Variants in COPG1 observed in about 807,000 individuals in gnomAD.
COPG1 encodes coatomer subunit gamma-1.
A neutral mutation model predicts 102.8 loss-of-function variants in COPG1; 29 were observed. The ratio of observed to expected loss-of-function variants is 0.28; its 90% CI spans 0.21 to 0.38. The LOEUF (loss-of-function observed/expected upper bound fraction) is 0.38. COPG1 is among the 10% of genes least tolerant of loss of function. The pLI is 1.00. For missense variants in COPG1, 875 were observed against 1,132.7 expected (o/e 0.77, Z 3.27); for synonymous variants, 406 against 421.6 (o/e 0.96, Z 0.45).
chr3:129,261,607 C>T (rs1173185117), intron 12 of COPG1, among the ~76,000 whole-genome samples: 1 of 151,124 alleles, frequency 6.6e-6, no homozygotes, highest in African/African-American at 2.4e-5. Context: ...AAGTCCTATG[C>T]ACCCCTCCAT....
At chr3:129,252,728 G>A (rs373739692) in intron 4 of COPG1, 34 bp downstream of exon 4, 1 of 1,601,208 alleles carries the variant, frequency 6.2e-7, no homozygotes, top group African/African-American at 1.3e-5. Context: ...CTTGAGAGGT[G>A]GCAGCTGTAA....
At position 129,271,017 on chromosome 3, in the gene COPG1, A is replaced by G. The variant is rs1433491811; in HGVS notation, c.1844-750A>G. Among the ~76,000 whole-genome samples, 5 of 152,206 alleles carry G rather than the reference A, an allele frequency of 3.3e-5. No individual in the cohort carries two copies. The highest frequency in any genetic ancestry group is 1.2e-4 in the African/African-American group (5 of 41,452). On this transcript the variant is annotated intron_variant, in intron 18 of 23. Transcript: ENST00000314797. The surrounding 1 kb of genome is among the most constrained non-coding windows in gnomAD (Gnocchi z 4.7). ...ACCCCTAGTAATTCTGATACAGTTG[A>G]TCCATGGTCATAGTGCGAGGAATCC...
At chr3:129,250,233 G>GGGAC (rs994863263) in intron 1 of COPG1, among the ~76,000 whole-genome samples, 1 of 152,168 alleles carries the variant, frequency 6.6e-6, no homozygotes, top group Non-Finnish European at 1.5e-5. Context: ...CAGAGCAAGT[G>GGGAC]GGACACTCAG....
chr3:129,274,001 C>A lies in COPG1; in HGVS notation c.2257-837C>A. The A allele has an allele frequency of 8.8e-6, 4 of 455,668 alleles. 1 individual carries two copies. Among genetic ancestry groups the A allele is most frequent in the South Asian group, 6.2e-5 (4 of 64,538 alleles). The allele number at this position is 455,668 out of a possible 1,614,324, so 28.2% of individuals were successfully genotyped here. On this transcript the variant is annotated intron_variant, in intron 21 of 23. Coordinates refer to ENST00000314797, the MANE Select transcript of COPG1 (RefSeq NM_016128.4). ...CCTGTGGATGGGGACTGTTAGAACTCCTCCTGACTAGAGGGACAGTCACAG... is the reference window on the plus strand; with the variant it reads ...CCTGTGGATGGGGACTGTTAGAACTACTCCTGACTAGAGGGACAGTCACAG...
At chr3:129,258,480 C>T (rs1576962915) in intron 10 of COPG1, among the ~76,000 whole-genome samples, 1 of 152,192 alleles carries the variant, frequency 6.6e-6, no homozygotes, top group Non-Finnish European at 1.5e-5. Flanking sequence ...CTTTTTGAGA[C>T]GGAGTCTCAC....
chr3:129,268,716 G>A (rs1446087547), intron 17 of COPG1, 96 bp downstream of exon 17: 4 of 1,434,274 alleles, frequency 2.8e-6, no homozygotes, highest in African/African-American at 2.8e-5. Context: ...AGGGTGGGTG[G>A]CAGTTATGCT....
rs1939722728 is a variant in COPG1 at position 129,252,609 on chromosome 3, C to T, written c.172-14C>T. ...CTCTGTCCCAAGCTGAGACTTCTTT[C>T]TTGATTAACACAGGGGGAGCACCTG... On this transcript the variant is annotated splice_polypyrimidine_tract_variant and intron_variant, in intron 3 of 23. Transcript: ENST00000314797. 1.9e-6 allele frequency: 3 copies of T among 1,611,584 alleles called. No homozygotes were observed. Among genetic ancestry groups the T allele is most frequent in the Non-Finnish European group, 2.5e-6 (3 of 1,177,904 alleles).
In COPG1 at chr3:129,277,480, C is replaced by G. The variant is rs1189474309; in HGVS notation, c.*56C>G. On this transcript the variant is annotated 3_prime_UTR_variant, in exon 24 of 24. Coordinates refer to ENST00000314797, the MANE Select transcript of COPG1 (RefSeq NM_016128.4). ...TCCCCAACACTACCTGGAAGTTGTGCCTTCCTCATGAAACTGGCAGAAACC... is the reference window on the plus strand; with the variant it reads ...TCCCCAACACTACCTGGAAGTTGTGGCTTCCTCATGAAACTGGCAGAAACC... 2.5e-6 allele frequency: 4 copies of G among 1,570,416 alleles called. No individual in the cohort carries two copies. The highest frequency in any genetic ancestry group is 3.5e-6 in the Non-Finnish European group (4 of 1,147,858).
At chr3:129,262,255 T>A (rs113430717) in intron 12 of COPG1, among the ~76,000 whole-genome samples, 15 of 114,442 alleles carry the variant, frequency 1.3e-4, no homozygotes, top group African/African-American at 9.0e-4. Flanking sequence ...CTCTACAAAT[T>A]TTTTTTTTTT....
chr3:129,260,748 A>G lies in COPG1; in HGVS notation c.1069A>G (p.Ile357Val), dbSNP rs1312923398. Reference sequence around the variant, plus strand: ...CCTTAAGACGGGCAGCGAGAGCAGCATCGACCGCCTCATGAAGCAGATCTC... The same window carrying G: ...CCTTAAGACGGGCAGCGAGAGCAGCGTCGACCGCCTCATGAAGCAGATCTC... ...TLLKTGSESS[I>V]DRLMKQISSF... Residue 357 changes from isoleucine (I) to valine (V), a missense_variant, in exon 12 of 24, where the codon ATC (isoleucine) becomes GTC (valine). Coordinates refer to ENST00000314797, the MANE Select transcript of COPG1 (RefSeq NM_016128.4). 1.9e-6 allele frequency: 3 copies of G among 1,613,096 alleles called. No homozygotes were observed. The highest frequency in any genetic ancestry group is 1.7e-6 in the Non-Finnish European group (2 of 1,180,020).
chr3:129,261,620 A>G (rs74918811), intron 12 of COPG1, among the ~76,000 whole-genome samples: 4,254 of 150,206 alleles, frequency 0.028, 150 homozygotes, highest in East Asian at 0.11. Flanking sequence ...CCCTCCATCA[A>G]CCCTCTCCTA....
In COPG1 at chr3:129,263,958, G is replaced by A. The variant is rs368786856; in HGVS notation, c.1183G>A (p.Ala395Thr). 8.7e-6 allele frequency: 14 copies of A among 1,613,988 alleles called. No homozygotes were observed. The highest frequency in any genetic ancestry group is 6.7e-5 in the African/African-American group (5 of 74,906). ...ALCQKYPRKH[A>T]VLMNFLFTML... ...GTGTCAGAAATATCCTCGCAAACAC[G>A]CCGTCCTTATGAACTTCCTGTTCAC... The change falls in exon 13 of 24, where the codon GCC (alanine) becomes ACC (threonine). Residue 395 changes from alanine to threonine, a missense_variant. By Grantham distance (58) the Ala-to-Thr change is moderately conservative. Transcript: ENST00000314797.
Position 129,272,869 on chromosome 3 carries a change from G to A in COPG1, c.2221G>A (p.Glu741Lys). 6.2e-7 allele frequency: 1 copy of A among 1,612,726 alleles called. No individual in the cohort carries two copies. Among genetic ancestry groups the A allele is most frequent in the South Asian group, 1.1e-5 (1 of 91,020 alleles). Residue 741 changes from glutamate to lysine, a missense_variant, in exon 21 of 24, where the codon GAG becomes AAG. Physicochemically the swap from Glu to Lys is moderately conservative, Grantham distance 56. Transcript: ENST00000314797. ...TVKDCDPTTG[E>K]TDDEGYEDEY... ...CAAGGACTGTGATCCCACCACTGGG[G>A]AGACTGATGACGAAGGCTATGAGGA...
In COPG1 at chr3:129,271,816, G is replaced by A. The variant is rs1940186145; in HGVS notation, c.1893G>A (p.Lys631=). The stretch of plus-strand genomic sequence containing the variant: ...TCCGCGGTCTTGGGCCCCTCTTCAA[G>A]TCCTCGCCTGAGCCCGTGGCCCTCA... ...PEFRGLGPLF[K]SSPEPVALTE... The change falls in exon 19 of 24, where the codon AAG becomes AAA. Residue 631 remains lysine, a synonymous_variant. Coordinates refer to ENST00000314797, the MANE Select transcript of COPG1 (RefSeq NM_016128.4). This position sits in a 1 kb window ranked among gnomAD's most constrained non-coding sequence, Gnocchi z 4.7. The A allele has an allele frequency of 6.2e-7, 1 of 1,614,128 alleles. No homozygotes were observed. The highest frequency in any genetic ancestry group is 1.3e-5 in the African/African-American group (1 of 74,934).
chr3:129,267,847 C>T, intron 15 of COPG1, 90 bp from the exon 16 acceptor site: 1 of 984,984 alleles, frequency 1.0e-6, no homozygotes, highest in South Asian at 1.4e-5. Flanking sequence ...CTTGTTATCC[C>T]TATGGACTTA....
chr3:129,276,521 A>C (rs749815244), intron 23 of COPG1, among the ~76,000 whole-genome samples: 13 of 152,232 alleles, frequency 8.5e-5, no homozygotes, highest in Non-Finnish European at 1.9e-4. Context: ...GAGTGTTTAT[A>C]AACAGGGTTG....
chr3:129,253,028 G>C, intron 5 of COPG1, 73 bp downstream of exon 5: 2 of 1,324,822 alleles, frequency 1.5e-6, no homozygotes, highest in Admixed American at 3.5e-5. Flanking sequence ...GTGTGTACCA[G>C]ACAGTGAGAC....
chr3:129,253,729 A>G (rs1939744298), intron 5 of COPG1, among the ~76,000 whole-genome samples: 1 of 152,218 alleles, frequency 6.6e-6, no homozygotes. Context: ...TCATGCCTGT[A>G]ATCCCAGCAC....
chr3:129,272,871 G>A lies in COPG1; in HGVS notation c.2223G>A (p.Glu741=). ...TVKDCDPTTG[E]TDDEGYEDEY... ...AGGACTGTGATCCCACCACTGGGGA[G>A]ACTGATGACGAAGGCTATGAGGATG... Residue 741 remains glutamate (E), a synonymous_variant, in exon 21 of 24, where the codon GAG becomes GAA. Coordinates refer to ENST00000314797, the MANE Select transcript of COPG1 (RefSeq NM_016128.4). 1 of 1,612,224 alleles carries A rather than the reference G, an allele frequency of 6.2e-7. No individual in the cohort carries two copies.
Sources: allele counts gnomAD v4.1 joint callset (sites outside exome capture counted in the v4.1 genomes callset), GRCh38; gene constraint gnomAD v4.1.1; non-coding constraint Gnocchi (gnomAD v3.1); transcripts MANE v1.5; gene names NCBI Gene and HGNC (gene_info 2026-07-23, HGNC 2026-07-21).